The following SMNDC1 variants were observed in gnomAD, a reference collection of about 807,000 sequenced individuals.
The protein encoded by SMNDC1 is survival motor neuron domain containing 1, also known as survival of motor neuron-related-splicing factor 30.
In SMNDC1, 5 loss-of-function variants were observed where a neutral mutation model predicts 29.2. The ratio of observed to expected loss-of-function variants is 0.17; its 90% confidence interval spans 0.09 to 0.36. The LOEUF (loss-of-function observed/expected upper bound fraction) is 0.36, where lower values mean the gene tolerates loss of function less well. Among genes scored for constraint, SMNDC1 ranks in the 10% least tolerant of loss-of-function variants. The pLI, the probability that SMNDC1 is intolerant of heterozygous loss-of-function variation, is 1.00. For missense variants in SMNDC1, 142 were observed against 268.5 expected (o/e 0.53, Z 3.29); for synonymous variants, 80 against 89.9 (o/e 0.89, Z 0.62).
intron 2 of SMNDC1, chr10:110,300,743 T>C (rs1857633543): frequency 1.0e-6 from 1 of 985,200 alleles, no homozygotes; most frequent in Non-Finnish European, 1.2e-6. Context: ...GCCACTGTAA[T>C]ATATGAGACA....
At position 110,292,142 on chromosome 10, in the gene SMNDC1, G is replaced by T. The variant is rs1175411357; in HGVS notation, c.*2008C>A. 1 of 152,152 alleles carries T rather than the reference G, an allele frequency of 6.6e-6. No individual in the cohort carries two copies. Among genetic ancestry groups the T allele is most frequent in the African/African-American group, 2.4e-5 (1 of 41,426 alleles). 9.4% of individuals were successfully genotyped at this position (152,152 alleles called of 1,614,324 possible). A position where few individuals can be genotyped will look rare whatever the true frequency, so the allele number is the denominator to read the frequency against. ...ATCTTCTCAAATTCAGTATCACACT[G>T]TGACAGGTAGTCTCCCCAGGAGTCC... On this transcript the variant is annotated 3_prime_UTR_variant, in exon 6 of 6. Transcript: ENST00000369603.
intron 2 of SMNDC1, among the ~76,000 whole-genome samples, chr10:110,302,121 G>A (rs1446025645): frequency 6.6e-6 from 1 of 152,186 alleles, no homozygotes; most frequent in East Asian, 1.9e-4. Context: ...CAAACAGAAA[G>A]CACTTTACAG....
intron 4 of SMNDC1, among the ~76,000 whole-genome samples, chr10:110,295,597 G>A (rs1393026073): frequency 2.0e-5 from 3 of 150,406 alleles, no homozygotes; most frequent in Non-Finnish European, 3.0e-5. Flanking sequence ...AAACATAACT[G>A]TAATCTATTT....
At chr10:110,298,287 C>T (rs961773303) in intron 3 of SMNDC1, among the ~76,000 whole-genome samples, 3 of 152,138 alleles carry the variant, frequency 2.0e-5, no homozygotes, top group Admixed American at 6.5e-5. Flanking sequence ...CCACACCCAG[C>T]GAAAAGATAT....
In SMNDC1 at chr10:110,293,457, G is replaced by A. The variant is rs550831209; in HGVS notation, c.*693C>T. 3 of 152,346 alleles carry A rather than the reference G, an allele frequency of 2.0e-5. No homozygotes were observed. The highest frequency in any genetic ancestry group is 4.8e-5 in the African/African-American group (2 of 41,478). 9.4% of individuals were successfully genotyped at this position (152,346 alleles called of 1,614,324 possible). A position where few individuals can be genotyped will look rare whatever the true frequency, so the allele number is the denominator to read the frequency against. Reference sequence around the variant, plus strand: ...ACATCCAAAACATGGTACCACTGCCGTAAATGGAAAAAACAAAAAACAGGA... The same window carrying A: ...ACATCCAAAACATGGTACCACTGCCATAAATGGAAAAAACAAAAAACAGGA... On this transcript the variant is annotated 3_prime_UTR_variant, in exon 6 of 6. Transcript: ENST00000369603.
intron 2 of SMNDC1, among the ~76,000 whole-genome samples, chr10:110,299,863 G>T (rs1406592872): frequency 1.3e-5 from 2 of 152,074 alleles, no homozygotes; most frequent in African/African-American, 2.4e-5. Context: ...ACTAATATTT[G>T]AGTCTTAAAT....
rs1357006533 is a variant in SMNDC1, at chr10:110,291,431, T to C, written c.*2719A>G. ...TAACACTTCAATAATACAGTTATAATTGGATGCCTCAAATCATAAACAATG... is the reference window on the plus strand; with the variant it reads ...TAACACTTCAATAATACAGTTATAACTGGATGCCTCAAATCATAAACAATG... On this transcript the variant is annotated 3_prime_UTR_variant, in exon 6 of 6. Transcript: ENST00000369603. The C allele has an allele frequency of 6.6e-6, 1 of 152,232 alleles. No homozygotes were observed. 9.4% of individuals were successfully genotyped at this position (152,232 alleles called of 1,614,324 possible). A position where few individuals can be genotyped will look rare whatever the true frequency, so the allele number is the denominator to read the frequency against.
intron 2 of SMNDC1, among the ~76,000 whole-genome samples, chr10:110,299,516 CTTCA>C (rs555839786): frequency 9.5e-4 from 144 of 152,274 alleles, no homozygotes; most frequent in Admixed American, 2.2e-3. Flanking sequence ...CATTTATTGG[CTTCA>C]TTCAAAGATG....
At chr10:110,298,485 A>G (rs1290146489) in intron 3 of SMNDC1, among the ~76,000 whole-genome samples, 163 bp downstream of exon 3, 1 of 152,156 alleles carries the variant, frequency 6.6e-6, no homozygotes, top group East Asian at 1.9e-4. Context: ...GCTAAAACTA[A>G]ACTGTATTAA....
Position 110,297,554 on chromosome 10 carries a change from C to A in SMNDC1, c.425+13G>T. 6.2e-7 allele frequency: 1 copy of A among 1,610,846 alleles called. No individual in the cohort carries two copies. The highest frequency in any genetic ancestry group is 1.1e-5 in the South Asian group (1 of 90,574). On this transcript the variant is annotated intron_variant, in intron 4 of 5. Transcript: ENST00000369603. Reference sequence around the variant, plus strand: ...AAGATTGCACCTAAAATGGAAAAGTCAAAGTCACTTACTTTGACATGGGTT... The same window carrying A: ...AAGATTGCACCTAAAATGGAAAAGTAAAAGTCACTTACTTTGACATGGGTT...
At chr10:110,303,696 C>T (rs954868411) in intron 1 of SMNDC1, 109 bp from the exon 2 acceptor site, 18 of 1,009,282 alleles carry the variant, frequency 1.8e-5, no homozygotes, top group South Asian at 8.3e-5. Context: ...CTAACTCCTT[C>T]TAACACTGCA....
At chr10:110,303,156 C>T (rs1014229382) in intron 2 of SMNDC1, among the ~76,000 whole-genome samples, 2 of 152,190 alleles carry the variant, frequency 1.3e-5, no homozygotes, top group Admixed American at 1.3e-4. Context: ...AAACTAAAAG[C>T]GTTTTTCATT....
intron 2 of SMNDC1, among the ~76,000 whole-genome samples, chr10:110,299,223 C>T (rs1302499998): frequency 6.6e-6 from 1 of 152,154 alleles, no homozygotes; most frequent in Non-Finnish European, 1.5e-5. Flanking sequence ...GCCAAGCAAT[C>T]CCAAAACACT....
intron 4 of SMNDC1, 32 bp downstream of exon 4, chr10:110,297,535 G>A: frequency 6.3e-7 from 1 of 1,599,844 alleles, no homozygotes; most frequent in Non-Finnish European, 8.5e-7. Context: ...GGGGAAGATT[G>A]CACCTAAAAT....
chr10:110,303,457 C>A lies in SMNDC1; in HGVS notation c.120+11G>T. The A allele has an allele frequency of 6.4e-7, 1 of 1,568,716 alleles. No homozygotes were observed. Among genetic ancestry groups the A allele is most frequent in the South Asian group, 1.2e-5 (1 of 82,792 alleles). ...AACAGAGAAAAAGTACAATTGTCTACCCATACTTACTTGTAAATCTTTCTT... is the reference window on the plus strand; with the variant it reads ...AACAGAGAAAAAGTACAATTGTCTAACCATACTTACTTGTAAATCTTTCTT... On this transcript the variant is annotated intron_variant, in intron 2 of 5. Transcript: ENST00000369603.
In SMNDC1 at chr10:110,297,632, C is replaced by G; in HGVS notation, c.360G>C (p.Leu120Phe). ...TTCCTTCTTCTACAGGCTTGAGGTT[C>G]AACAGTGGAGTCACTTCAGCATTGC... ...GYGNAEVTPL[L>F]NLKPVEEGRK... Residue 120 changes from leucine (L) to phenylalanine (F), a missense_variant, in exon 4 of 6, where the codon TTG (leucine) becomes TTC (phenylalanine). Physicochemically the swap from Leu to Phe is conservative, Grantham distance 22 (BLOSUM62 0). This residue lies in a region of SMNDC1 where 54 missense variants were observed against 152.1 expected (regional missense o/e 0.36). Transcript: ENST00000369603. 1 of 1,613,970 alleles carries G rather than the reference C, an allele frequency of 6.2e-7. No individual in the cohort carries two copies. Among genetic ancestry groups the G allele is most frequent in the Non-Finnish European group, 8.5e-7 (1 of 1,179,950 alleles).
rs181891848 is a variant in SMNDC1 at position 110,292,822 on chromosome 10, A to C, written c.*1328T>G. 1 of 152,282 alleles carries C rather than the reference A, an allele frequency of 6.6e-6. No individual in the cohort carries two copies. Among genetic ancestry groups the C allele is most frequent in the Non-Finnish European group, 1.5e-5 (1 of 68,010 alleles). 9.4% of individuals were successfully genotyped at this position (152,282 alleles called of 1,614,324 possible). ...AAACTTATTTTCCCCTTCCACCAAA[A>C]ATCTACAAACACCCATTAAAATGAG... is the stretch of plus-strand genomic sequence containing the variant. On this transcript the variant is annotated 3_prime_UTR_variant, in exon 6 of 6. Transcript: ENST00000369603.
intron 4 of SMNDC1, among the ~76,000 whole-genome samples, chr10:110,296,656 T>C (rs1212924435): frequency 6.6e-6 from 1 of 152,184 alleles, no homozygotes; most frequent in African/African-American, 2.4e-5. Context: ...CAGCAGTAGT[T>C]GCCTCTCCCT....
intron 4 of SMNDC1, among the ~76,000 whole-genome samples, chr10:110,296,101 T>G (rs1323004494): frequency 6.6e-6 from 1 of 152,238 alleles, no homozygotes; most frequent in Non-Finnish European, 1.5e-5. Flanking sequence ...AGAGATTCGA[T>G]GCAGATAAAA....
Sources: allele counts gnomAD v4.1 joint callset (sites outside exome capture counted in the v4.1 genomes callset), GRCh38; gene constraint gnomAD v4.1.1; regional missense constraint gnomAD v4.1.1; transcripts MANE v1.5; gene names NCBI Gene and HGNC (gene_info 2026-07-23, HGNC 2026-07-21).